Variants in SHISA6 observed in about 807,000 individuals in gnomAD.
SHISA6 encodes the protein protein shisa-6.
A neutral mutation model predicts 47.9 loss-of-function variants in SHISA6; 22 were observed. That is an observed-to-expected ratio of 0.46 (90% CI 0.33 to 0.66). The LOEUF is 0.66. Among genes scored for constraint, SHISA6 ranks in the 30% least tolerant of loss-of-function variants. The pLI, the probability that SHISA6 is intolerant of heterozygous loss-of-function variation, is 0.02. For synonymous variants in SHISA6, 388 were observed against 337.8 expected (o/e 1.15, Z -1.63); for missense variants, 680 against 764.6 (o/e 0.89, Z 1.30).
chr17:11,509,485 C>T lies in SHISA6; in HGVS notation c.896-42411C>T, dbSNP rs998792012. Among the ~76,000 whole-genome samples, 5 of 152,132 alleles carry T rather than the reference C, an allele frequency of 3.3e-5. No individual in the cohort carries two copies. The East Asian group carries it at 9.6e-4, about 29-fold the overall frequency. On this transcript the variant is annotated intron_variant, in intron 3 of 5. Transcript: ENST00000441885. ...TGGAGGAAATGCCTGAGGTCACCTC[C>T]CTCCTTGGTGGTGTAACCAGCACGA...
At chr17:11,311,315 A>G (rs1338240784) in intron 2 of SHISA6, among the ~76,000 whole-genome samples, 1 of 151,754 alleles carries the variant, frequency 6.6e-6, no homozygotes, top group African/African-American at 2.4e-5. Context: ...CAAACAAAAA[A>G]AATCACCTCT....
chr17:11,441,839 C>T (rs776162897), intron 3 of SHISA6, among the ~76,000 whole-genome samples: 3 of 152,118 alleles, frequency 2.0e-5, no homozygotes, highest in African/African-American at 4.8e-5. Flanking sequence ...CCCAGCGCTG[C>T]GAACTACTTA....
intron 3 of SHISA6, among the ~76,000 whole-genome samples, chr17:11,394,484 AC>A (rs1214078156): frequency 6.6e-6 from 1 of 152,148 alleles, no homozygotes; most frequent in Non-Finnish European, 1.5e-5. Flanking sequence ...TGAACCTATT[AC>A]CACTCAATCA....
chr17:11,526,299 T>C (rs182064504), intron 3 of SHISA6, among the ~76,000 whole-genome samples: 24 of 152,304 alleles, frequency 1.6e-4, no homozygotes, highest in Admixed American at 3.3e-4. Flanking sequence ...CTCTGTTTTG[T>C]AATAAACAAT....
At chr17:11,370,018 C>T (rs1411836345) in intron 2 of SHISA6, among the ~76,000 whole-genome samples, 1 of 152,178 alleles carries the variant, frequency 6.6e-6, no homozygotes, top group African/African-American at 2.4e-5. Flanking sequence ...TACTATCCTT[C>T]CCTAGCTCCA....
Position 11,560,181 on chromosome 17 carries a change from T to C in SHISA6, c.*1877T>C, listed in dbSNP as rs975667479. ...TCACTGATTTCAAGAGTTCCAAAGC[T>C]CTCATCTCCTTCTCCCCTCTGCAGG... On this transcript the variant is annotated 3_prime_UTR_variant, in exon 6 of 6. Transcript: ENST00000441885. The C allele has an allele frequency of 1.3e-5, 2 of 151,834 alleles. No homozygotes were observed. The highest frequency in any genetic ancestry group is 4.8e-5 in the African/African-American group (2 of 41,304). 9.4% of individuals were successfully genotyped at this position (151,834 alleles called of 1,614,324 possible).
At chr17:11,307,150 T>TA (rs1477574257) in intron 2 of SHISA6, among the ~76,000 whole-genome samples, 1 of 150,376 alleles carries the variant, frequency 6.6e-6, no homozygotes, top group Non-Finnish European at 1.5e-5. Context: ...TTTCTTTTTT[T>TA]TTCTTTTTTT....
chr17:11,465,230 C>T (rs1272801217), intron 3 of SHISA6, among the ~76,000 whole-genome samples: 1 of 152,290 alleles, frequency 6.6e-6, no homozygotes, highest in South Asian at 2.1e-4. Context: ...TTCTCACCTC[C>T]AGCCTACTGA....
At chr17:11,366,594 T>C (rs1912458708) in intron 2 of SHISA6, among the ~76,000 whole-genome samples, 1 of 152,144 alleles carries the variant, frequency 6.6e-6, no homozygotes, top group Non-Finnish European at 1.5e-5. Context: ...AGCAGGAAGC[T>C]CAGTCCTCCT....
intron 3 of SHISA6, among the ~76,000 whole-genome samples, chr17:11,532,063 C>T (rs1482889685): frequency 6.6e-6 from 1 of 152,116 alleles, no homozygotes; most frequent in Non-Finnish European, 1.5e-5. Context: ...GAAATTCAGT[C>T]AGAAGTCAGA....
chr17:11,527,048 C>A (rs2071693307), intron 3 of SHISA6, among the ~76,000 whole-genome samples: 1 of 151,470 alleles, frequency 6.6e-6, no homozygotes, highest in African/African-American at 2.4e-5. Context: ...AAAGTGAATC[C>A]CATCTTCCAA....
chr17:11,268,624 T>C (rs997866529), intron 2 of SHISA6, among the ~76,000 whole-genome samples: 1 of 152,260 alleles, frequency 6.6e-6, no homozygotes, highest in Non-Finnish European at 1.5e-5. Context: ...TCTCCGGCTT[T>C]ACTTTTCTCA....
intron 2 of SHISA6, among the ~76,000 whole-genome samples, chr17:11,364,873 C>T (rs2142232791): frequency 6.6e-6 from 1 of 152,264 alleles, no homozygotes; most frequent in South Asian, 2.1e-4. Flanking sequence ...TATTGCCAGT[C>T]TTTTTAATTT....
intron 2 of SHISA6, among the ~76,000 whole-genome samples, chr17:11,265,755 G>A (rs917037800): frequency 3.3e-5 from 5 of 152,090 alleles, no homozygotes; most frequent in Non-Finnish European, 7.3e-5. Context: ...ATTCTCAAGC[G>A]AGCTGGTTCC....
Position 11,555,762 on chromosome 17 carries a change from C to G in SHISA6, c.975C>G (p.Ile325Met), listed in dbSNP as rs2071972408. 1.9e-6 allele frequency: 3 copies of G among 1,548,548 alleles called. No individual in the cohort carries two copies. Among genetic ancestry groups the G allele is most frequent in the South Asian group, 2.4e-5 (2 of 83,562 alleles). Residue 325 changes from isoleucine (I) to methionine (M), a missense_variant, in exon 5 of 6, where the codon ATC becomes ATG. Coordinates refer to ENST00000441885, the MANE Select transcript of SHISA6 (RefSeq NM_207386.4). ...PPHEKPRMNN[I>M]LTSATEPYDL... is the part of the protein sequence containing the mutation. ...CAGAGAAGCCACGGATGAACAACAT[C>G]CTGACATCAGCCACCGAGCCCTATG... is the stretch of plus-strand genomic sequence containing the variant.
rs372454241 is a variant in SHISA6, at chr17:11,411,129, C to T, written c.895+31620C>T. 1.1e-3 allele frequency among the ~76,000 whole-genome samples: 162 copies of T among 151,624 alleles called. 2 individuals are homozygous for T. The highest frequency in any genetic ancestry group is 2.7e-3 in the African/African-American group (113 of 41,372). Reference sequence around the variant, plus strand: ...GACTACAGGCGCCTGCCGCCACGCCCGGCTAATTTTTTGTATTCTTAGTAG... The same window carrying T: ...GACTACAGGCGCCTGCCGCCACGCCTGGCTAATTTTTTGTATTCTTAGTAG... On this transcript the variant is annotated intron_variant, in intron 3 of 5. Coordinates refer to ENST00000441885, the MANE Select transcript of SHISA6 (RefSeq NM_207386.4).
At chr17:11,243,369 C>A (rs529247634) in intron 1 of SHISA6, among the ~76,000 whole-genome samples, 1 of 151,530 alleles carries the variant, frequency 6.6e-6, no homozygotes, top group African/African-American at 2.4e-5. Flanking sequence ...TTTATTGAGT[C>A]AAATCCACAA....
intron 2 of SHISA6, among the ~76,000 whole-genome samples, chr17:11,364,587 T>C (rs1006527276): frequency 1.3e-5 from 2 of 152,242 alleles, no homozygotes; most frequent in Admixed American, 1.3e-4. Context: ...CACAGCCTAT[T>C]TATTCAATCA....
At chr17:11,326,618 C>CT (rs1910906829) in intron 2 of SHISA6, among the ~76,000 whole-genome samples, 1 of 152,218 alleles carries the variant, frequency 6.6e-6, no homozygotes, top group African/African-American at 2.4e-5. Flanking sequence ...GACCATCTGT[C>CT]TAACACCGTT....
Sources: gnomAD v4.1 joint callset for allele counts (sites outside exome capture counted in the v4.1 genomes callset) on GRCh38, gnomAD v4.1.1 for gene constraint, MANE v1.5 for transcripts, NCBI Gene and HGNC (gene_info 2026-07-23, HGNC 2026-07-21) for gene names.